The following TSHZ1 variants were observed in gnomAD, a reference collection of about 807,000 sequenced individuals.
TSHZ1 encodes teashirt homolog 1.
Under a neutral mutation model 67.1 loss-of-function variants are expected in TSHZ1, and 12 were observed. The ratio of observed to expected loss-of-function variants is 0.18; its 90% CI spans 0.11 to 0.29. The LOEUF is 0.29. Among genes scored for constraint, TSHZ1 ranks in the 10% least tolerant of loss-of-function variants. TSHZ1 has a pLI of 1.00. For synonymous variants in TSHZ1, 632 were observed against 622.4 expected, an observed-to-expected ratio of 1.02 and a Z score of -0.23; for missense variants, 1,305 against 1,413.9, an observed-to-expected ratio of 0.92 and a Z score of 1.23.
chr18:75,253,627 CTG>C (rs1198367152), intron 1 of TSHZ1, among the ~76,000 whole-genome samples: 1 of 152,166 alleles, frequency 6.6e-6, no homozygotes, highest in African/African-American at 2.4e-5. Flanking sequence ...TGAAGGCTGA[CTG>C]TTTAAAAAGT....
At chr18:75,252,804 T>C (rs1036520791) in intron 1 of TSHZ1, among the ~76,000 whole-genome samples, 42 of 152,294 alleles carry the variant, frequency 2.8e-4, no homozygotes, top group African/African-American at 9.9e-4. Context: ...CTGCCTCTGT[T>C]CCTGCCCTGT....
intron 1 of TSHZ1, among the ~76,000 whole-genome samples, chr18:75,243,243 G>A (rs904327834): frequency 6.6e-5 from 10 of 152,198 alleles, no homozygotes; most frequent in Admixed American, 3.9e-4. Flanking sequence ...CATTCACACC[G>A]TAAAGTGGTG....
chr18:75,229,943 A>G (rs904595943), intron 1 of TSHZ1, among the ~76,000 whole-genome samples: 5 of 152,270 alleles, frequency 3.3e-5, no homozygotes, highest in Non-Finnish European at 5.9e-5. Flanking sequence ...GTTCATCATT[A>G]TACATCTACT....
intron 1 of TSHZ1, among the ~76,000 whole-genome samples, chr18:75,260,530 C>T (rs1161869572): frequency 1.3e-5 from 2 of 152,146 alleles, no homozygotes; most frequent in East Asian, 1.9e-4. Flanking sequence ...TGTCTGTGAA[C>T]GAAGTCATCT....
Position 75,286,258 on chromosome 18 carries a change from A to G in TSHZ1, c.851A>G (p.Lys284Arg), listed in dbSNP as rs372615647. 178 of 1,613,610 alleles carry G rather than the reference A, an allele frequency of 1.1e-4. No homozygotes were observed. The highest frequency in any genetic ancestry group is 1.4e-4 in the Non-Finnish European group (171 of 1,179,670). ...AGGGACAAGGACTCCGAGAAGACCA[A>G]GAGGTGGTCCAAGCCCAGGAAGCGC... is the stretch of plus-strand genomic sequence containing the variant. The part of the protein sequence containing the change: ...DNRDKDSEKT[K>R]RWSKPRKRSL... The change falls in exon 2 of 2, where the codon AAG becomes AGG. Residue 284 changes from lysine to arginine, a missense_variant. This residue lies in a region of TSHZ1 where 358 missense variants were observed against 375.6 expected (regional missense o/e 0.95). Transcript: ENST00000580243. The surrounding 1 kb of genome is among the most constrained non-coding windows in gnomAD (Gnocchi z 5.1).
chr18:75,263,404 A>G (rs1241805640), intron 1 of TSHZ1, among the ~76,000 whole-genome samples: 1 of 152,160 alleles, frequency 6.6e-6, no homozygotes, highest in Non-Finnish European at 1.5e-5. Context: ...TTTTGTGTTA[A>G]ATATCGGTAT....
At chr18:75,277,762 G>A (rs1664976271) in intron 1 of TSHZ1, among the ~76,000 whole-genome samples, 1 of 152,146 alleles carries the variant, frequency 6.6e-6, no homozygotes, top group Admixed American at 6.5e-5. Context: ...AGGAATTCGA[G>A]GGCGGGGATA....
At chr18:75,212,756 G>A (rs2022716125) in intron 1 of TSHZ1, among the ~76,000 whole-genome samples, 3 of 152,186 alleles carry the variant, frequency 2.0e-5, no homozygotes, top group Admixed American at 2.0e-4. Flanking sequence ...AAGTTTTACA[G>A]CTGCAGCATC....
At chr18:75,250,711 T>A (rs2404871) in intron 1 of TSHZ1, among the ~76,000 whole-genome samples, 1 of 152,150 alleles carries the variant, frequency 6.6e-6, no homozygotes, top group African/African-American at 2.4e-5. Flanking sequence ...GCAGAGCTCG[T>A]GGGCCGGGCC....
chr18:75,263,796 C>G (rs763654686), intron 1 of TSHZ1, among the ~76,000 whole-genome samples: 1 of 152,146 alleles, frequency 6.6e-6, no homozygotes, highest in Non-Finnish European at 1.5e-5. Context: ...TGACCTTTTA[C>G]TAAGTTTTTG....
At position 75,287,274 on chromosome 18, in the gene TSHZ1, T is replaced by C. The variant is rs778920635; in HGVS notation, c.1867T>C (p.Ser623Pro). Residue 623 changes from serine to proline, a missense_variant, in exon 2 of 2, where the codon TCC (serine) becomes CCC (proline). This residue lies in a region of TSHZ1 where 909 missense variants were observed against 961.8 expected (regional missense o/e 0.95). Coordinates refer to ENST00000580243, the MANE Select transcript of TSHZ1 (RefSeq NM_001308210.2). The surrounding 1 kb of genome is among the most constrained non-coding windows in gnomAD (Gnocchi z 5.0). The stretch of plus-strand genomic sequence containing the variant: ...CGCCGAGCACAACGCCCTCCTGCAC[T>C]CCCCAGGGAGCCTCACGCCCCCACC... ...SSAEHNALLH[S>P]PGSLTPPPHK... 5 of 1,613,840 alleles carry C rather than the reference T, an allele frequency of 3.1e-6. No homozygotes were observed. Among genetic ancestry groups the C allele is most frequent in the Non-Finnish European group, 4.2e-6 (5 of 1,179,942 alleles).
At chr18:75,271,379 C>A (rs2023554350) in intron 1 of TSHZ1, among the ~76,000 whole-genome samples, 1 of 152,196 alleles carries the variant, frequency 6.6e-6, no homozygotes, top group Admixed American at 6.5e-5. Flanking sequence ...GACTGAAGCA[C>A]CTTCTTCCAT....
rs773490916 is a variant in TSHZ1, at chr18:75,288,598, C to T, written c.3191C>T (p.Pro1064Leu). The T allele has an allele frequency of 6.2e-7, 1 of 1,610,856 alleles. No homozygotes were observed. Residue 1064 changes from proline to leucine, a missense_variant, in exon 2 of 2, where the codon CCC becomes CTC. By Grantham distance (98) the Pro-to-Leu change is moderately conservative. Coordinates refer to ENST00000580243, the MANE Select transcript of TSHZ1 (RefSeq NM_001308210.2). This position sits in a 1 kb window ranked among gnomAD's most constrained non-coding sequence, Gnocchi z 4.9. ...LHLSKTHGKS[P>L]EDHLIYVTEL... The stretch of plus-strand genomic sequence containing the variant: ...CTTAGTAAGACCCACGGCAAGTCTC[C>T]CGAGGACCACCTGATCTATGTGACT...
intron 1 of TSHZ1, among the ~76,000 whole-genome samples, chr18:75,238,357 G>T (rs1026020395): frequency 6.6e-6 from 1 of 152,156 alleles, no homozygotes; most frequent in Non-Finnish European, 1.5e-5. Context: ...TAGAGTCGTC[G>T]TAGGCAGCTC....
intron 1 of TSHZ1, among the ~76,000 whole-genome samples, chr18:75,262,961 G>A (rs545793885): frequency 6.6e-6 from 1 of 152,152 alleles, no homozygotes; most frequent in African/African-American, 2.4e-5. Flanking sequence ...AGGACACAGA[G>A]ACTTAGGCTA....
chr18:75,272,140 G>A (rs1487246904), intron 1 of TSHZ1, among the ~76,000 whole-genome samples: 2 of 152,192 alleles, frequency 1.3e-5, no homozygotes, highest in African/African-American at 4.8e-5. Flanking sequence ...GGCATAGACC[G>A]ATTCATCTCC....
At chr18:75,243,046 G>C (rs1297081344) in intron 1 of TSHZ1, among the ~76,000 whole-genome samples, 1 of 152,184 alleles carries the variant, frequency 6.6e-6, no homozygotes. Flanking sequence ...GGTGAGGTCT[G>C]GAGGCAGATC....
At chr18:75,231,121 A>G (rs1480976795) in intron 1 of TSHZ1, among the ~76,000 whole-genome samples, 1 of 152,124 alleles carries the variant, frequency 6.6e-6, no homozygotes, top group Non-Finnish European at 1.5e-5. Context: ...GAGGGTGGGA[A>G]CTGTGCGTGG....
Position 75,236,402 on chromosome 18 carries a change from G to A in TSHZ1, c.40+24486G>A, listed in dbSNP as rs113007919. On this transcript the variant is annotated intron_variant, in intron 1 of 1. Coordinates refer to ENST00000580243, the MANE Select transcript of TSHZ1 (RefSeq NM_001308210.2). ...GGGCTGGACAAGAAGATGGACAGCT[G>A]TCAGGTGCACCTTTTCTATCCATAT... Among the ~76,000 whole-genome samples the A allele has an allele frequency of 4.9e-3, 747 of 152,296 alleles. 12 individuals are homozygous for A. Among genetic ancestry groups the A allele is most frequent in the African/African-American group, 0.017 (688 of 41,554 alleles).
Sources: allele counts gnomAD v4.1 joint callset (sites outside exome capture counted in the v4.1 genomes callset), GRCh38; gene constraint gnomAD v4.1.1; regional missense constraint gnomAD v4.1.1; non-coding constraint Gnocchi (gnomAD v3.1); transcripts MANE v1.5; gene names NCBI Gene and HGNC (gene_info 2026-07-23, HGNC 2026-07-21).